ADGRB3: variants seen among roughly 807,000 people sequenced by gnomAD.
The protein encoded by ADGRB3 is adhesion G protein-coupled receptor B3.
ADGRB3 carries 37 observed loss-of-function variants against 193.4 expected under a neutral mutation model. The ratio of observed to expected loss-of-function variants is 0.19; its 90% CI spans 0.15 to 0.25. ADGRB3 has a LOEUF of 0.25. Ranked by LOEUF, ADGRB3 falls within the 10% of genes least tolerant of loss-of-function variation. The pLI, the probability that ADGRB3 is intolerant of heterozygous loss-of-function variation, is 1.00. For missense variants in ADGRB3, 1,637 were observed against 1,852.9 expected, an observed-to-expected ratio of 0.88 and a Z score of 2.14; for synonymous variants, 690 against 644.2, an observed-to-expected ratio of 1.07 and a Z score of -1.08.
At chr6:69,241,982 G>C (rs1352486872) in intron 20 of ADGRB3, among the ~76,000 whole-genome samples, 1 of 151,768 alleles carries the variant, frequency 6.6e-6, no homozygotes, top group African/African-American at 2.4e-5. Context: ...GTGATTAGAA[G>C]AGAAAAATAC....
At chr6:69,311,440 G>A (rs989493011) in intron 20 of ADGRB3, among the ~76,000 whole-genome samples, 4 of 151,624 alleles carry the variant, frequency 2.6e-5, no homozygotes, top group South Asian at 2.1e-4. Flanking sequence ...AAAAATACAC[G>A]GTCACTTAGC....
chr6:68,674,719 A>C (rs1366398352), intron 3 of ADGRB3, among the ~76,000 whole-genome samples: 1 of 152,234 alleles, frequency 6.6e-6, no homozygotes, highest in African/African-American at 2.4e-5. Context: ...CAGTCTATAG[A>C]GATGCAAAGA....
chr6:68,890,556 T>A (rs1766045356), intron 3 of ADGRB3, among the ~76,000 whole-genome samples: 1 of 152,200 alleles, frequency 6.6e-6, no homozygotes, highest in African/African-American at 2.4e-5. Context: ...ATTTGTTTAT[T>A]TTACTTAATT....
chr6:68,741,786 C>T (rs1448417373), intron 3 of ADGRB3, among the ~76,000 whole-genome samples: 1 of 152,186 alleles, frequency 6.6e-6, no homozygotes, highest in African/African-American at 2.4e-5. Context: ...GAATTATTGT[C>T]ATCAGTTTTT....
intron 17 of ADGRB3, among the ~76,000 whole-genome samples, chr6:69,182,491 G>C (rs1775613152): frequency 6.6e-6 from 1 of 150,980 alleles, no homozygotes; most frequent in Admixed American, 6.6e-5. Flanking sequence ...ATTGGATTCT[G>C]AATCACTGAC....
chr6:68,947,791 G>A (rs542531912), intron 6 of ADGRB3, among the ~76,000 whole-genome samples: 5 of 152,214 alleles, frequency 3.3e-5, no homozygotes, highest in African/African-American at 7.2e-5. Context: ...ATGCTGTAAA[G>A]TAGAGAACCT....
chr6:69,251,082 GGTTT>G (rs1175622213), intron 20 of ADGRB3, among the ~76,000 whole-genome samples: 1 of 152,116 alleles, frequency 6.6e-6, no homozygotes, highest in African/African-American at 2.4e-5. Context: ...CCATTATTCT[GGTTT>G]GTACCTGTTG....
intron 20 of ADGRB3, among the ~76,000 whole-genome samples, chr6:69,300,393 C>T (rs540866067): frequency 2.0e-5 from 3 of 151,892 alleles, no homozygotes; most frequent in African/African-American, 7.2e-5. Context: ...AGCATTTCCT[C>T]TAAGATCATG....
chr6:69,320,115 T>A (rs1217544418), intron 20 of ADGRB3, among the ~76,000 whole-genome samples: 1 of 151,440 alleles, frequency 6.6e-6, no homozygotes, highest in Non-Finnish European at 1.5e-5. Context: ...CAAGCGTATT[T>A]TTCTATAATC....
chr6:69,272,055 A>T (rs1178562912), intron 20 of ADGRB3, among the ~76,000 whole-genome samples: 1 of 152,228 alleles, frequency 6.6e-6, no homozygotes, highest in Non-Finnish European at 1.5e-5. Context: ...ATAACAAAGA[A>T]TTTAACAAAA....
chr6:69,120,956 A>C (rs891773455), intron 17 of ADGRB3, among the ~76,000 whole-genome samples: 2 of 151,172 alleles, frequency 1.3e-5, no homozygotes, highest in African/African-American at 4.9e-5. Context: ...AAATAGAAAA[A>C]CTGTTTCGAT....
chr6:68,837,658 A>G (rs1209060409), intron 3 of ADGRB3, among the ~76,000 whole-genome samples: 1 of 152,204 alleles, frequency 6.6e-6, no homozygotes, highest in Non-Finnish European at 1.5e-5. Context: ...AGAAATAGAT[A>G]TGGGCTTAAA....
intron 3 of ADGRB3, among the ~76,000 whole-genome samples, chr6:68,826,176 T>A (rs758497375): frequency 2.6e-5 from 4 of 152,068 alleles, no homozygotes; most frequent in Non-Finnish European, 4.4e-5. Flanking sequence ...AGGGGCAAGA[T>A]AACAATTAAA....
At chr6:69,188,524 G>A (rs1765114764) in intron 17 of ADGRB3, among the ~76,000 whole-genome samples, 1 of 152,140 alleles carries the variant, frequency 6.6e-6, no homozygotes, top group African/African-American at 2.4e-5. Flanking sequence ...GGTCAGGCTG[G>A]TCGTGAACTC....
chr6:68,853,629 ACAT>A (rs1316127813), intron 3 of ADGRB3, among the ~76,000 whole-genome samples: 14 of 152,204 alleles, frequency 9.2e-5, no homozygotes, highest in African/African-American at 2.4e-4. Context: ...AAGGGGTGCA[ACAT>A]TATTTATCTG....
intron 17 of ADGRB3, among the ~76,000 whole-genome samples, chr6:69,138,401 G>A (rs1295296444): frequency 6.6e-6 from 1 of 152,134 alleles, no homozygotes; most frequent in Non-Finnish European, 1.5e-5. Context: ...CTCTGACATG[G>A]TACCATCATT....
chr6:69,123,763 G>C lies in ADGRB3; in HGVS notation c.2480+47725G>C, dbSNP rs144950530. Among the ~76,000 whole-genome samples, 21 of 152,282 alleles carry C rather than the reference G, an allele frequency of 1.4e-4. No individual in the cohort carries two copies. In the East Asian group the frequency reaches 4.0e-3, roughly 29 times the overall value. On this transcript the variant is annotated intron_variant, in intron 17 of 31. Coordinates refer to ENST00000370598, the MANE Select transcript of ADGRB3 (RefSeq NM_001704.3). ...TTCAAATACTTACTGCAAAGGCCAA[G>C]TTAGAACATATCTGGCCTTCTACAG...
At chr6:69,348,494 A>C (rs1355382340) in intron 26 of ADGRB3, among the ~76,000 whole-genome samples, 1 of 21,988 alleles carries the variant, frequency 4.5e-5, no homozygotes, top group Non-Finnish European at 9.0e-5. Context: ...TAAAAAATGC[A>C]AAAAAAAAAA....
intron 20 of ADGRB3, among the ~76,000 whole-genome samples, chr6:69,272,050 A>G (rs1426985556): frequency 1.3e-5 from 2 of 152,238 alleles, no homozygotes; most frequent in African/African-American, 2.4e-5. Flanking sequence ...TAAAAATAAC[A>G]AAGAATTTAA....
Sources: allele counts gnomAD v4.1 joint callset (sites outside exome capture counted in the v4.1 genomes callset), GRCh38; gene constraint gnomAD v4.1.1; transcripts MANE v1.5; gene names NCBI Gene and HGNC (gene_info 2026-07-23, HGNC 2026-07-21).